IGF1: variants seen among roughly 807,000 people sequenced by gnomAD.
The protein encoded by IGF1 is insulin like growth factor 1.
In IGF1, 4 loss-of-function variants were observed where a neutral mutation model predicts 13.8. That is an observed-to-expected ratio of 0.29 (90% CI 0.14 to 0.66). The LOEUF (loss-of-function observed/expected upper bound fraction) is 0.66, where lower values mean the gene tolerates loss of function less well. Among genes scored for constraint, IGF1 ranks in the 30% least tolerant of loss-of-function variants. The pLI, the probability that IGF1 is intolerant of heterozygous loss-of-function variation, is 0.78. For missense variants in IGF1, 124 were observed against 188.5 expected, an observed-to-expected ratio of 0.66 and a Z score of 2.00; for synonymous variants, 76 against 72.6, an observed-to-expected ratio of 1.05 and a Z score of -0.23.
chr12:102,427,432 T>C (rs1443726475), intron 2 of IGF1, among the ~76,000 whole-genome samples: 1 of 152,236 alleles, frequency 6.6e-6, no homozygotes, highest in African/African-American at 2.4e-5. Context: ...CAAAGGGATA[T>C]TAAAACACAT....
intron 2 of IGF1, among the ~76,000 whole-genome samples, chr12:102,430,804 C>T (rs1213662309): frequency 6.6e-6 from 1 of 152,212 alleles, no homozygotes; most frequent in African/African-American, 2.4e-5. Context: ...TCTCATCGAG[C>T]CAGTGCTCCC....
intron 2 of IGF1, among the ~76,000 whole-genome samples, chr12:102,459,954 G>A (rs937166491): frequency 2.0e-5 from 3 of 152,100 alleles, no homozygotes; most frequent in African/African-American, 2.4e-5. Flanking sequence ...AATATCCAAC[G>A]AGATCTTGCA....
At chr12:102,402,614 T>C in intron 3 of IGF1, 48 bp from the exon 4 acceptor site, 1 of 779,482 alleles carries the variant, frequency 1.3e-6, no homozygotes, top group Non-Finnish European at 2.4e-6. Context: ...AAGTTTTATG[T>C]ATCCATCTAT....
rs1007326893 is a variant in IGF1 at position 102,451,180 on chromosome 12, G to A, written c.220+24463C>T. Among the ~76,000 whole-genome samples the A allele has an allele frequency of 9.2e-5, 14 of 152,300 alleles. No homozygotes were observed. In the Middle Eastern group the frequency reaches 0.01, roughly 111 times the overall value. On this transcript the variant is annotated intron_variant, in intron 2 of 3. Coordinates refer to ENST00000337514, the MANE Select transcript of IGF1 (RefSeq NM_000618.5). ...TTTTCTATTCTTAGGACTCTTCTAC[G>A]TAGACCAATTGACTCCTGGATAGGA...
chr12:102,460,058 A>G (rs1270736695), intron 2 of IGF1, among the ~76,000 whole-genome samples: 4 of 152,226 alleles, frequency 2.6e-5, no homozygotes, highest in African/African-American at 9.6e-5. Context: ...ACTTCACATA[A>G]AAGGGTGACC....
At chr12:102,411,840 G>C (rs1412761151) in intron 3 of IGF1, among the ~76,000 whole-genome samples, 1 of 152,198 alleles carries the variant, frequency 6.6e-6, no homozygotes, top group Admixed American at 6.5e-5. Context: ...AAACTGAATA[G>C]AGGAAGTTAG....
At chr12:102,472,514 A>G (rs747940270) in intron 2 of IGF1, among the ~76,000 whole-genome samples, 6 of 152,240 alleles carry the variant, frequency 3.9e-5, no homozygotes, top group African/African-American at 1.4e-4. Flanking sequence ...AACTAAAATC[A>G]GAAACTGCCT....
intron 2 of IGF1, among the ~76,000 whole-genome samples, chr12:102,428,579 G>A (rs139565752): frequency 6.6e-6 from 1 of 152,142 alleles, no homozygotes; most frequent in Non-Finnish European, 1.5e-5. Flanking sequence ...TAAGGAAAGA[G>A]AGATGGCCCT....
intron 2 of IGF1, among the ~76,000 whole-genome samples, chr12:102,462,045 G>A (rs1016227387): frequency 2.0e-5 from 3 of 152,128 alleles, no homozygotes; most frequent in Non-Finnish European, 4.4e-5. Flanking sequence ...TAATTGGTTT[G>A]GGGTCAGGGC....
chr12:102,406,614 C>T (rs1320866939), intron 3 of IGF1, among the ~76,000 whole-genome samples: 2 of 152,252 alleles, frequency 1.3e-5, no homozygotes, highest in East Asian at 1.9e-4. Flanking sequence ...GGTTAACAAA[C>T]ACATTAGGAA....
At chr12:102,481,039 T>C (rs530286007), upstream of IGF1, among the ~76,000 whole-genome samples, 1 of 152,202 alleles carries the variant, frequency 6.6e-6, no homozygotes, top group Non-Finnish European at 1.5e-5. Flanking sequence ...GTAAAGTAGA[T>C]TGGAAGACAG....
chr12:102,452,194 G>A (rs1433005351), intron 2 of IGF1, among the ~76,000 whole-genome samples: 5 of 144,740 alleles, frequency 3.5e-5, no homozygotes, highest in East Asian at 4.0e-4. Context: ...CCCGGGAGGC[G>A]GAGCTTGCAG....
chr12:102,431,434 G>T (rs1218671596), intron 2 of IGF1, among the ~76,000 whole-genome samples: 1 of 152,112 alleles, frequency 6.6e-6, no homozygotes, highest in African/African-American at 2.4e-5. Flanking sequence ...TCCCTTTATT[G>T]AGTGCTTCCT....
In IGF1 at chr12:102,427,201, AT is replaced by A. The variant is rs532501466; in HGVS notation, c.221-7512del. Among the ~76,000 whole-genome samples, 495 of 151,160 alleles carry A rather than the reference AT, an allele frequency of 3.3e-3. 1 individual carries two copies. The highest frequency in any genetic ancestry group is 4.8e-3 in the Non-Finnish European group (326 of 67,688). On this transcript the variant is annotated intron_variant, in intron 2 of 3. Coordinates refer to ENST00000337514, the MANE Select transcript of IGF1 (RefSeq NM_000618.5). ...CGCATACGTGGGCCTTAGCTGTCTC[AT>A]TTTTTTTTCTTTTTTTTAGAAAGAC... is the stretch of plus-strand genomic sequence containing the variant.
At chr12:102,444,330 CA>C (rs1878130200) in intron 2 of IGF1, among the ~76,000 whole-genome samples, 1 of 151,520 alleles carries the variant, frequency 6.6e-6, no homozygotes, top group Non-Finnish European at 1.5e-5. Context: ...TTACACAGAG[CA>C]AAAGTTCAGA....
Position 102,398,146 on chromosome 12 carries a change from C to T in IGF1, c.*4361G>A, listed in dbSNP as rs539526062. 1 of 151,756 alleles carries T rather than the reference C, an allele frequency of 6.6e-6. No homozygotes were observed. The highest frequency in any genetic ancestry group is 2.1e-4 in the South Asian group (1 of 4,790). 9.4% of individuals were successfully genotyped at this position (151,756 alleles called of 1,614,324 possible). A position where few individuals can be genotyped will look rare whatever the true frequency, so the allele number is the denominator to read the frequency against. On this transcript the variant is annotated 3_prime_UTR_variant, in exon 4 of 4. Coordinates refer to ENST00000337514, the MANE Select transcript of IGF1 (RefSeq NM_000618.5). ...AATCTTCACAGATTGTTAGCCATCT[C>T]TTTCAACAATTTCTCATAAATTCTT...
intron 3 of IGF1, among the ~76,000 whole-genome samples, chr12:102,410,169 C>T (rs1209672778): frequency 6.6e-6 from 1 of 152,072 alleles, no homozygotes. Flanking sequence ...TAAAAAATCT[C>T]TATCAAAATG....
chr12:102,449,251 A>G (rs567935833), intron 2 of IGF1, among the ~76,000 whole-genome samples: 7 of 152,250 alleles, frequency 4.6e-5, no homozygotes, highest in African/African-American at 1.7e-4. Flanking sequence ...CCTTGAAGGG[A>G]CATGGATGAA....
At chr12:102,438,158 G>T (rs939387667) in intron 2 of IGF1, among the ~76,000 whole-genome samples, 2 of 152,208 alleles carry the variant, frequency 1.3e-5, no homozygotes, top group African/African-American at 4.8e-5. Context: ...AACTAAAGAA[G>T]CATAGTTCAC....
Sources: gnomAD v4.1 joint callset for allele counts (sites outside exome capture counted in the v4.1 genomes callset) on GRCh38, gnomAD v4.1.1 for gene constraint, MANE v1.5 for transcripts, NCBI Gene and HGNC (gene_info 2026-07-23, HGNC 2026-07-21) for gene names.